DAZAP1: variants seen among roughly 807,000 people sequenced by gnomAD.
DAZAP1 encodes DAZ-associated protein 1.
DAZAP1 carries 6 observed loss-of-function variants against 60.1 expected under a neutral mutation model. The observed-to-expected ratio is 0.10, with a 90% confidence interval of 0.05 to 0.20. DAZAP1 has a LOEUF of 0.20. Among genes scored for constraint, DAZAP1 ranks in the 10% least tolerant of loss-of-function variants. The pLI is 1.00. For synonymous variants in DAZAP1, 235 were observed against 215.9 expected (o/e 1.09, Z -0.78); for missense variants, 366 against 560.4 (o/e 0.65, Z 3.50).
rs565083672 is a variant in DAZAP1, at chr19:1,423,626, G to A, written c.463+1230G>A. 6.6e-6 allele frequency among the ~76,000 whole-genome samples: 1 copy of A among 152,368 alleles called. No individual in the cohort carries two copies. The highest frequency in any genetic ancestry group is 2.1e-4 in the South Asian group (1 of 4,828). ...CCCAGGACCCAGCGCCTCTTGCACT[G>A]TGCCCGGACCAGGCGAGCCCTGTGG... On this transcript the variant is annotated intron_variant, in intron 6 of 11. Coordinates refer to ENST00000233078, the MANE Select transcript of DAZAP1 (RefSeq NM_018959.4). The surrounding 1 kb of genome is among the most constrained non-coding windows in gnomAD (Gnocchi z 6.8).
rs1555778572 is a variant in DAZAP1 at position 1,407,619 on chromosome 19, A to AGCAGCCGCCGCCGCC, written c.-153_-152insAGCCGCCGCCGCCGC. ...ACCGTTGGCGCCGAGGGGAGGAGGCAGCCGCCGCCGCCGCCGCCGCCGCCG... is the reference window on the plus strand; with the variant it reads ...ACCGTTGGCGCCGAGGGGAGGAGGCAGCAGCCGCCGCCGCCGCCGCCGCCGCCGCCGCCGCCGCCG... On this transcript the variant is annotated 5_prime_UTR_variant, in exon 1 of 12. Coordinates refer to ENST00000233078, the MANE Select transcript of DAZAP1 (RefSeq NM_018959.4). 1 of 236,040 alleles carries AGCAGCCGCCGCCGCC rather than the reference A, an allele frequency of 4.2e-6. No individual in the cohort carries two copies. Among genetic ancestry groups the AGCAGCCGCCGCCGCC allele is most frequent in the African/African-American group, 2.6e-5 (1 of 38,998 alleles). The allele number at this position is 236,040 out of a possible 1,614,324, so 14.6% of individuals were successfully genotyped here. A position where few individuals can be genotyped will look rare whatever the true frequency, so the allele number is the denominator to read the frequency against.
rs147479913 is a variant in DAZAP1, at chr19:1,418,241, C to T, written c.108C>T (p.Val36=). ...LRSYFSQYGE[V]VDCVIMKDKT... ...GCTACTTTTCCCAATATGGAGAAGT[C>T]GTAGATTGTGTTATCATGAAAGATA... is the stretch of plus-strand genomic sequence containing the variant. Residue 36 remains valine, a synonymous_variant, in exon 3 of 12, where the codon GTC becomes GTT. Coordinates refer to ENST00000233078, the MANE Select transcript of DAZAP1 (RefSeq NM_018959.4). The surrounding 1 kb of genome is among the most constrained non-coding windows in gnomAD (Gnocchi z 5.7). 19 of 1,614,170 alleles carry T rather than the reference C, an allele frequency of 1.2e-5. No homozygotes were observed. Among genetic ancestry groups the T allele is most frequent in the Middle Eastern group, 1.7e-4 (1 of 6,060 alleles).
In DAZAP1 at chr19:1,434,638, T is replaced by C; in HGVS notation, c.1049-99T>C. ...CCCGCACCCCGTGGGACCCGTGGAC[T>C]CAAGGCAGGCTCGGCGGAGCTGTGT... On this transcript the variant is annotated intron_variant, in intron 11 of 11. Transcript: ENST00000233078. The surrounding 1 kb of genome is among the most constrained non-coding windows in gnomAD (Gnocchi z 8.0). 1 of 1,361,516 alleles carries C rather than the reference T, an allele frequency of 7.3e-7. No homozygotes were observed. The highest frequency in any genetic ancestry group is 1.3e-5 in the South Asian group (1 of 77,954). 84.3% of individuals were successfully genotyped at this position (1,361,516 alleles called of 1,614,324 possible).
Position 1,418,199 on chromosome 19 carries a change from A to T in DAZAP1, c.71-5A>T, listed in dbSNP as rs774237112. 2 of 1,613,624 alleles carry T rather than the reference A, an allele frequency of 1.2e-6. No individual in the cohort carries two copies. Among genetic ancestry groups the T allele is most frequent in the Non-Finnish European group, 1.7e-6 (2 of 1,179,580 alleles). ...GTTTGTGTTTTCTTCCCGATTTCTG[A>T]GCAGAGACTCTGCGCAGCTACTTTT... is the stretch of plus-strand genomic sequence containing the variant. On this transcript the variant is annotated splice_region_variant and splice_polypyrimidine_tract_variant and intron_variant, in intron 2 of 11. Coordinates refer to ENST00000233078, the MANE Select transcript of DAZAP1 (RefSeq NM_018959.4). This position sits in a 1 kb window ranked among gnomAD's most constrained non-coding sequence, Gnocchi z 5.7.
At position 1,433,551 on chromosome 19, in the gene DAZAP1, G is replaced by C. The variant is rs919532021; in HGVS notation, c.1048+861G>C. 1.7e-6 allele frequency: 1 copy of C among 579,492 alleles called. No individual in the cohort carries two copies. The highest frequency in any genetic ancestry group is 3.1e-6 in the Non-Finnish European group (1 of 323,946). 35.9% of individuals were successfully genotyped at this position (579,492 alleles called of 1,614,324 possible). ...CACCTCGCATGGCTGTGGTTCCCCT[G>C]CCCCCACGCCCAGGCCTTGGGCCGA... On this transcript the variant is annotated intron_variant, in intron 11 of 11. Transcript: ENST00000233078. The surrounding 1 kb of genome is among the most constrained non-coding windows in gnomAD (Gnocchi z 6.1).
At chr19:1,413,161 C>T (rs1199910906) in intron 1 of DAZAP1, among the ~76,000 whole-genome samples, 5 of 152,252 alleles carry the variant, frequency 3.3e-5, no homozygotes, top group African/African-American at 1.2e-4. Context: ...AAGGTGCAGG[C>T]TGAGCAAGCC....
At chr19:1,430,556 G>A (rs2083422554) in intron 10 of DAZAP1, among the ~76,000 whole-genome samples, 194 bp downstream of exon 10, 1 of 152,208 alleles carries the variant, frequency 6.6e-6, no homozygotes, top group Admixed American at 6.5e-5. Context: ...CGCTGGTTAG[G>A]CTAAAGGGCA....
chr19:1,412,560 G>C (rs1441638159), intron 1 of DAZAP1, among the ~76,000 whole-genome samples: 1 of 152,218 alleles, frequency 6.6e-6, no homozygotes, highest in Non-Finnish European at 1.5e-5. Context: ...CATTGAGGCT[G>C]CTGGCCCCGA....
chr19:1,417,563 G>T (rs2083023852), intron 2 of DAZAP1, 23 bp downstream of exon 2: 1 of 1,598,784 alleles, frequency 6.3e-7, no homozygotes, highest in South Asian at 1.1e-5. Flanking sequence ...GGGGTGTCAG[G>T]TGGGTACTGC....
intron 6 of DAZAP1, among the ~76,000 whole-genome samples, chr19:1,424,416 A>G (rs1031106134): frequency 5.1e-5 from 7 of 136,932 alleles, no homozygotes; most frequent in African/African-American, 1.9e-4. Context: ...GCTCAGGTGC[A>G]CACGTGTGCT....
In DAZAP1 at chr19:1,421,919, CTG is replaced by C. The variant is rs2083167890; in HGVS notation, c.415-422_415-421del. On this transcript the variant is annotated intron_variant, in intron 5 of 11. Transcript: ENST00000233078. ...TGGAAGAGCAGGGTCTGCAGAGGAG[CTG>C]TGTGTGGCTGCCCCGCCACTTCGAG... 2.0e-5 allele frequency among the ~76,000 whole-genome samples: 3 copies of C among 152,092 alleles called. No homozygotes were observed. In the South Asian group the frequency reaches 6.2e-4, roughly 32 times the overall value.
intron 10 of DAZAP1, among the ~76,000 whole-genome samples, chr19:1,431,278 A>C (rs185513987): frequency 7.0e-6 from 1 of 143,410 alleles, no homozygotes; most frequent in Non-Finnish European, 1.5e-5. Context: ...ACAGGCGCCC[A>C]CCACCACGCC....
chr19:1,410,173 A>T (rs1473227164), intron 1 of DAZAP1: 1 of 152,270 alleles, frequency 6.6e-6, no homozygotes, highest in Non-Finnish European at 1.5e-5. Flanking sequence ...TTAGAAGTCC[A>T]TGTAAAGCTT....
chr19:1,433,700 GC>G lies in DAZAP1; in HGVS notation c.1048+1011del, dbSNP rs1569107154. 6.4e-7 allele frequency: 1 copy of G among 1,565,032 alleles called. No homozygotes were observed. Among genetic ancestry groups the G allele is most frequent in the Admixed American group, 1.7e-5 (1 of 59,828 alleles). On this transcript the variant is annotated intron_variant, in intron 11 of 11. Transcript: ENST00000233078. This position sits in a 1 kb window ranked among gnomAD's most constrained non-coding sequence, Gnocchi z 6.1. ...GTGTCAGCCGCTGCTCTTGGTGGCG[GC>G]TGCTTGGGTTGGTCACCCTGGTCTC...
rs114288264 is a variant in DAZAP1 at position 1,421,394 on chromosome 19, C to G, written c.414+136C>G. On this transcript the variant is annotated intron_variant, in intron 5 of 11. Transcript: ENST00000233078. Reference sequence around the variant, plus strand: ...CTGGGAGCTCGCTGTCTCGTATTTCCCCAACGCCTGCGCCCTCCGGAAAGG... The same window carrying G: ...CTGGGAGCTCGCTGTCTCGTATTTCGCCAACGCCTGCGCCCTCCGGAAAGG... The G allele has an allele frequency of 7.2e-4, 521 of 719,710 alleles. 5 individuals carry two copies. The African/African-American group carries it at 8.5e-3, about 12-fold the overall frequency. The allele number at this position is 719,710 out of a possible 1,614,324, so 44.6% of individuals were successfully genotyped here.
chr19:1,432,636 C>T lies in DAZAP1; in HGVS notation c.994C>T (p.Pro332Ser). Residue 332 changes from proline to serine, a missense_variant, in exon 11 of 12, where the codon CCG becomes TCG. Physicochemically the swap from Pro to Ser is moderately conservative, Grantham distance 74 (BLOSUM62 -1). Transcript: ENST00000233078. This position sits in a 1 kb window ranked among gnomAD's most constrained non-coding sequence, Gnocchi z 4.9. ...AFPPPPSQAA[P>S]DMSKPPTAQP... ...CCCACCGCCTCCGTCTCAGGCTGCC[C>T]CGGACATGAGCAAGCCCCCGACAGC... is the stretch of plus-strand genomic sequence containing the variant. The T allele has an allele frequency of 6.2e-7, 1 of 1,613,428 alleles. No individual in the cohort carries two copies. The highest frequency in any genetic ancestry group is 1.1e-5 in the South Asian group (1 of 91,056).
chr19:1,431,318 A>G (rs2083446275), intron 10 of DAZAP1, among the ~76,000 whole-genome samples: 1 of 149,336 alleles, frequency 6.7e-6, no homozygotes, highest in Non-Finnish European at 1.5e-5. Flanking sequence ...TTTAGTAGAG[A>G]CAGGGTTTCA....
chr19:1,431,866 G>C (rs188779187), intron 10 of DAZAP1, among the ~76,000 whole-genome samples: 3 of 152,166 alleles, frequency 2.0e-5, no homozygotes, highest in African/African-American at 7.2e-5. Context: ...CTGGGCCCTG[G>C]GGGTGTTTGA....
In DAZAP1 at chr19:1,428,749, A is replaced by G; in HGVS notation, c.547-93A>G. On this transcript the variant is annotated intron_variant, in intron 7 of 11. Coordinates refer to ENST00000233078, the MANE Select transcript of DAZAP1 (RefSeq NM_018959.4). This position sits in a 1 kb window ranked among gnomAD's most constrained non-coding sequence, Gnocchi z 4.0. ...ATTTAGTCTTAAGTTGTAAGATGCT[A>G]AGTGTAGTCATAAGTTACCCGAGGG... 2.8e-6 allele frequency: 4 copies of G among 1,432,300 alleles called. No homozygotes were observed. The highest frequency in any genetic ancestry group is 2.9e-6 in the Non-Finnish European group (3 of 1,040,820). The allele number at this position is 1,432,300 out of a possible 1,614,324, so 88.7% of individuals were successfully genotyped here. A position where few individuals can be genotyped will look rare whatever the true frequency, so the allele number is the denominator to read the frequency against.
Sources: gnomAD v4.1 joint callset for allele counts (sites outside exome capture counted in the v4.1 genomes callset) on GRCh38, gnomAD v4.1.1 for gene constraint, Gnocchi (gnomAD v3.1) non-coding constraint, MANE v1.5 for transcripts, NCBI Gene and HGNC (gene_info 2026-07-23, HGNC 2026-07-21) for gene names.